Variants in GAP43 observed in about 807,000 individuals in gnomAD.
The protein encoded by GAP43 is neuromodulin.
GAP43 carries 6 observed loss-of-function variants against 18.6 expected under a neutral mutation model. That is an observed-to-expected ratio of 0.32 (90% CI 0.18 to 0.64). The LOEUF is 0.64. Ranked by LOEUF, GAP43 falls within the 30% of genes least tolerant of loss-of-function variation. The probability of loss-of-function intolerance (pLI) is 0.78; values close to 1 mark genes in which losing one functional copy is unlikely to be tolerated. For missense variants in GAP43, 292 were observed against 295.5 expected (o/e 0.99, Z 0.09); for synonymous variants, 115 against 111.4 (o/e 1.03, Z -0.20).
intron 2 of GAP43, among the ~76,000 whole-genome samples, chr3:115,677,226 C>T (rs921372663): frequency 1.3e-5 from 2 of 152,080 alleles, no homozygotes; most frequent in African/African-American, 2.4e-5. Flanking sequence ...TGGGGTCAAA[C>T]ATAATTAGGA....
intron 1 of GAP43, among the ~76,000 whole-genome samples, chr3:115,638,329 A>G (rs1245038174): frequency 6.6e-6 from 1 of 152,082 alleles, no homozygotes; most frequent in Non-Finnish European, 1.5e-5. Context: ...CTTAACAACC[A>G]TGCGCCTCTT....
intron 2 of GAP43, among the ~76,000 whole-genome samples, chr3:115,685,656 T>C (rs745575347): frequency 1.1e-4 from 16 of 152,344 alleles, no homozygotes; most frequent in African/African-American, 3.8e-4. Context: ...GTCACCCTCA[T>C]GTATTTGGTA....
chr3:115,643,356 C>T (rs1708421594), intron 1 of GAP43, among the ~76,000 whole-genome samples: 1 of 152,014 alleles, frequency 6.6e-6, no homozygotes, highest in African/African-American at 2.4e-5. Context: ...TCCACTTTCA[C>T]TTGGTTGCTG....
intron 2 of GAP43, among the ~76,000 whole-genome samples, chr3:115,720,402 C>T (rs1026747798): frequency 1.3e-5 from 2 of 152,130 alleles, no homozygotes; most frequent in Non-Finnish European, 2.9e-5. Flanking sequence ...GATCGATGGT[C>T]CACATAAATT....
intron 2 of GAP43, among the ~76,000 whole-genome samples, chr3:115,710,513 G>A (rs1709420707): frequency 6.6e-6 from 1 of 152,046 alleles, no homozygotes. Flanking sequence ...TGCTATAGTT[G>A]AATATCAGTG....
chr3:115,662,752 C>T (rs1708680233), intron 1 of GAP43, among the ~76,000 whole-genome samples: 1 of 152,142 alleles, frequency 6.6e-6, no homozygotes, highest in Non-Finnish European at 1.5e-5. Flanking sequence ...TCCCTTTGGG[C>T]CATGTGACAT....
At chr3:115,645,555 G>A (rs1708448807) in intron 1 of GAP43, among the ~76,000 whole-genome samples, 1 of 151,774 alleles carries the variant, frequency 6.6e-6, no homozygotes, top group Non-Finnish European at 1.5e-5. Context: ...TCCAGAGATG[G>A]AAGCAAAATA....
At position 115,710,890 on chromosome 3, in the gene GAP43, C is replaced by T. The variant is rs112784467; in HGVS notation, c.629-9904C>T. On this transcript the variant is annotated intron_variant, in intron 2 of 2. Coordinates refer to ENST00000305124, the MANE Select transcript of GAP43 (RefSeq NM_002045.4). Reference sequence around the variant, plus strand: ...TTTTATGTTTGGTAAGATAATGAAACCAAACTATCAGCTTCAATGTCTCAG... The same window carrying T: ...TTTTATGTTTGGTAAGATAATGAAATCAAACTATCAGCTTCAATGTCTCAG... 2.6e-3 allele frequency among the ~76,000 whole-genome samples: 392 copies of T among 152,126 alleles called. 1 individual carries two copies. The highest frequency in any genetic ancestry group is 7.8e-3 in the African/African-American group (323 of 41,508).
intron 2 of GAP43, among the ~76,000 whole-genome samples, chr3:115,688,828 C>T (rs536570903): frequency 6.6e-6 from 1 of 152,328 alleles, no homozygotes; most frequent in South Asian, 2.1e-4. Flanking sequence ...GAATTTATAC[C>T]TGTCCATATC....
intron 1 of GAP43, among the ~76,000 whole-genome samples, chr3:115,653,890 G>T (rs1339907571): frequency 6.6e-6 from 1 of 151,916 alleles, no homozygotes; most frequent in African/African-American, 2.4e-5. Flanking sequence ...TCACTTTTCA[G>T]ATATTTAACA....
At chr3:115,630,975 G>A (rs1178025790) in intron 1 of GAP43, among the ~76,000 whole-genome samples, 1 of 152,192 alleles carries the variant, frequency 6.6e-6, no homozygotes, top group East Asian at 1.9e-4. Flanking sequence ...GTCATTAGGG[G>A]AGATGTTCTG....
intron 1 of GAP43, among the ~76,000 whole-genome samples, chr3:115,629,406 C>T (rs1325278677): frequency 1.7e-5 from 2 of 115,626 alleles, no homozygotes; most frequent in Non-Finnish European, 3.9e-5. Context: ...AGCCCCCCTG[C>T]TCTTTTTTTT....
chr3:115,703,424 G>A (rs1282784392), intron 2 of GAP43, among the ~76,000 whole-genome samples: 1 of 152,058 alleles, frequency 6.6e-6, no homozygotes, highest in Admixed American at 6.6e-5. Context: ...CTTAGAGGGA[G>A]TAGATTTCAG....
chr3:115,645,260 AG>A (rs1302223433), intron 1 of GAP43, among the ~76,000 whole-genome samples: 1 of 151,988 alleles, frequency 6.6e-6, no homozygotes, highest in Non-Finnish European at 1.5e-5. Flanking sequence ...CATCCTTGCT[AG>A]GTTGGAGTTC....
intron 1 of GAP43, chr3:115,663,430 T>A: frequency 1.6e-6 from 1 of 625,136 alleles, no homozygotes; most frequent in Non-Finnish European, 2.0e-6. Flanking sequence ...ATTTATTAAA[T>A]AGCCATAGTT....
chr3:115,665,678 C>T (rs959068560), intron 1 of GAP43, among the ~76,000 whole-genome samples: 3 of 152,066 alleles, frequency 2.0e-5, no homozygotes, highest in Admixed American at 6.6e-5. Context: ...CATTCTGACA[C>T]GTATTGTGTA....
intron 1 of GAP43, among the ~76,000 whole-genome samples, chr3:115,672,308 G>A (rs1389763016): frequency 6.6e-6 from 1 of 152,160 alleles, no homozygotes; most frequent in Non-Finnish European, 1.5e-5. Flanking sequence ...GTTTCTCTGG[G>A]CTTGAATGTC....
At chr3:115,639,485 C>T (rs773097443) in intron 1 of GAP43, among the ~76,000 whole-genome samples, 11 of 152,172 alleles carry the variant, frequency 7.2e-5, no homozygotes, top group Admixed American at 3.9e-4. Context: ...TGGTACTCCT[C>T]CCACAGGAAT....
intron 2 of GAP43, among the ~76,000 whole-genome samples, chr3:115,708,515 G>T (rs754934588): frequency 3.3e-5 from 5 of 152,182 alleles, no homozygotes; most frequent in Admixed American, 6.5e-5. Context: ...ACTTATAAGA[G>T]AGTGAGAGAA....
Sources: gnomAD v4.1 joint callset for allele counts (sites outside exome capture counted in the v4.1 genomes callset) on GRCh38, gnomAD v4.1.1 for gene constraint, MANE v1.5 for transcripts, NCBI Gene and HGNC (gene_info 2026-07-23, HGNC 2026-07-21) for gene names.